Variants in KBTBD12 observed in about 807,000 individuals in gnomAD.
KBTBD12 encodes the protein kelch repeat and BTB domain containing 12.
A neutral mutation model predicts 58.7 loss-of-function variants in KBTBD12; 53 were observed. That is an observed-to-expected ratio of 0.90 (90% CI 0.72 to 1.14). KBTBD12 has a LOEUF of 1.14. Ranked by LOEUF, KBTBD12 falls within the 50% of genes most tolerant of loss-of-function variation. KBTBD12 has a pLI of 0.00. For synonymous variants in KBTBD12, 236 were observed against 259.8 expected (o/e 0.91, Z 0.88); for missense variants, 704 against 751.3 (o/e 0.94, Z 0.74).
At chr3:127,944,735 G>A (rs2107600714) in intron 4 of KBTBD12, among the ~76,000 whole-genome samples, 1 of 152,172 alleles carries the variant, frequency 6.6e-6, no homozygotes, top group East Asian at 1.9e-4. Flanking sequence ...AGGCATCCTT[G>A]CATTGTAATA....
intron 2 of KBTBD12, among the ~76,000 whole-genome samples, chr3:127,927,502 G>A (rs1939601023): frequency 6.6e-6 from 1 of 151,758 alleles, no homozygotes; most frequent in African/African-American, 2.4e-5. Context: ...GGCTACTCCT[G>A]GAAAATCTAT....
Position 127,963,345 on chromosome 3 carries a change from T to C in KBTBD12, c.1649T>C (p.Val550Ala), listed in dbSNP as rs755910531. 1.2e-6 allele frequency: 2 copies of C among 1,612,270 alleles called. No individual in the cohort carries two copies. Among genetic ancestry groups the C allele is most frequent in the Admixed American group, 1.7e-5 (1 of 59,844 alleles). The change falls in exon 5 of 6, where the codon GTG (valine) becomes GCG (alanine). Residue 550 changes from valine (V) to alanine (A), a missense_variant. Transcript: ENST00000405109. The part of the protein sequence containing the change: ...LRTNSTNAGA[V>A]DGKLYVCGGF... ...ACCAATTCCACCAATGCAGGGGCAGTGGATGGGAAACTCTATGTCTGCGGG... is the reference window on the plus strand; with the variant it reads ...ACCAATTCCACCAATGCAGGGGCAGCGGATGGGAAACTCTATGTCTGCGGG...
intron 4 of KBTBD12, among the ~76,000 whole-genome samples, chr3:127,946,752 A>G (rs1940091729): frequency 6.6e-6 from 1 of 151,982 alleles, no homozygotes; most frequent in African/African-American, 2.4e-5. Flanking sequence ...TGAGATGCTC[A>G]TTTTCTGTAC....
intron 4 of KBTBD12, among the ~76,000 whole-genome samples, chr3:127,944,824 G>T (rs1404358950): frequency 6.6e-6 from 1 of 151,958 alleles, no homozygotes; most frequent in African/African-American, 2.4e-5. Context: ...GGCCTTTACT[G>T]TACTGGGGAA....
intron 4 of KBTBD12, among the ~76,000 whole-genome samples, chr3:127,933,141 T>C (rs1306102636): frequency 6.6e-6 from 1 of 152,190 alleles, no homozygotes; most frequent in Non-Finnish European, 1.5e-5. Context: ...ACTACCATTT[T>C]AGATCTCTAG....
intron 5 of KBTBD12, among the ~76,000 whole-genome samples, chr3:127,974,409 G>GT (rs1403587912): frequency 6.6e-6 from 1 of 152,144 alleles, no homozygotes; most frequent in Non-Finnish European, 1.5e-5. Flanking sequence ...GTTTCATCCT[G>GT]TACCGTCACT....
At chr3:127,957,791 T>TC (rs1940348954) in intron 4 of KBTBD12, among the ~76,000 whole-genome samples, 1 of 152,200 alleles carries the variant, frequency 6.6e-6, no homozygotes, top group South Asian at 2.1e-4. Context: ...TGATTAGACA[T>TC]CTGCCCTCAA....
intron 4 of KBTBD12, among the ~76,000 whole-genome samples, chr3:127,947,284 A>G (rs1181845609): frequency 6.6e-6 from 1 of 152,128 alleles, no homozygotes; most frequent in Non-Finnish European, 1.5e-5. Flanking sequence ...CCTCAGTCCA[A>G]TCAGGGCCTG....
At chr3:127,945,278 A>G (rs1174075395) in intron 4 of KBTBD12, among the ~76,000 whole-genome samples, 2 of 131,840 alleles carry the variant, frequency 1.5e-5, no homozygotes, top group Admixed American at 9.3e-5. Context: ...TCCGCCTCCC[A>G]GGTTCACGCC....
rs373163160 is a variant in KBTBD12 at position 127,927,834 on chromosome 3, G to T, written c.1141G>T (p.Gly381Cys). ...TGAATTTCGAGAACTCTATGCTCTG[G>T]GCAGTATTCATAATGACCTTTATGT... ...TAEFRELYALGSIHNDLYVIG... is the reference protein window; with the variant it reads ...TAEFRELYALCSIHNDLYVIG... Residue 381 changes from glycine (G) to cysteine (C), a missense_variant, in exon 3 of 6, where the codon GGC (glycine) becomes TGC (cysteine). Gly to Cys is a radical substitution (Grantham distance 159, BLOSUM62 -3). Transcript: ENST00000405109. The T allele has an allele frequency of 6.2e-7, 1 of 1,611,030 alleles. No individual in the cohort carries two copies. Among genetic ancestry groups the T allele is most frequent in the East Asian group, 2.2e-5 (1 of 44,846 alleles).
intron 4 of KBTBD12, among the ~76,000 whole-genome samples, chr3:127,951,080 A>G (rs1470666771): frequency 6.6e-6 from 1 of 152,216 alleles, no homozygotes; most frequent in Non-Finnish European, 1.5e-5. Context: ...GGAACAACAT[A>G]TATCAAAGCA....
intron 2 of KBTBD12, 65 bp from the exon 3 acceptor site, chr3:127,927,699 G>A (rs1037914780): frequency 4.3e-6 from 5 of 1,174,374 alleles, no homozygotes; most frequent in Non-Finnish European, 5.8e-6. Context: ...ATAAATAAGT[G>A]TATTTCTTGG....
At chr3:127,972,241 A>T (rs1246715931) in intron 5 of KBTBD12, among the ~76,000 whole-genome samples, 1 of 152,234 alleles carries the variant, frequency 6.6e-6, no homozygotes, top group Non-Finnish European at 1.5e-5. Flanking sequence ...AACAGAGGGT[A>T]AATGTTGAAT....
intron 4 of KBTBD12, among the ~76,000 whole-genome samples, chr3:127,951,009 C>T (rs1940193263): frequency 6.6e-6 from 1 of 152,042 alleles, no homozygotes; most frequent in African/African-American, 2.4e-5. Context: ...ACCTGGGCAA[C>T]GAGCAAAACT....
At chr3:127,915,976 G>C (rs746606637) in intron 1 of KBTBD12, among the ~76,000 whole-genome samples, 1 of 152,208 alleles carries the variant, frequency 6.6e-6, no homozygotes, top group South Asian at 2.1e-4. Flanking sequence ...CACTTAGAAG[G>C]GTTCGTTTAA....
chr3:127,948,484 G>C lies in KBTBD12; in HGVS notation c.1493-14705G>C, dbSNP rs979513195. The stretch of plus-strand genomic sequence containing the variant: ...ATCATAAACTAGACCCTCCCCCATG[G>C]GGTGGCTTAGGGAAACTGGTTCACA... On this transcript the variant is annotated intron_variant, in intron 4 of 5. Coordinates refer to ENST00000405109, the MANE Select transcript of KBTBD12 (RefSeq NM_207335.4). 2.2e-4 allele frequency among the ~76,000 whole-genome samples: 34 copies of C among 152,218 alleles called. 1 individual carries two copies. Among genetic ancestry groups the C allele is most frequent in the South Asian group, 2.1e-4 (1 of 4,832 alleles).
At chr3:127,952,443 T>G (rs1243064610) in intron 4 of KBTBD12, among the ~76,000 whole-genome samples, 2 of 152,228 alleles carry the variant, frequency 1.3e-5, no homozygotes, top group African/African-American at 4.8e-5. Context: ...TTCCCACTGC[T>G]GTTGGTTACC....
chr3:127,984,342 A>G lies in KBTBD12; in HGVS notation c.*64A>G. On this transcript the variant is annotated 3_prime_UTR_variant, in exon 6 of 6. Coordinates refer to ENST00000405109, the MANE Select transcript of KBTBD12 (RefSeq NM_207335.4). ...AAGGCCTTCAGAACGGAGAGGGCCC[A>G]CAGCATCTCTGTCATGCCAGTCATG... The G allele has an allele frequency of 1.4e-6, 2 of 1,431,708 alleles. No homozygotes were observed. Among genetic ancestry groups the G allele is most frequent in the Non-Finnish European group, 1.9e-6 (2 of 1,033,258 alleles). The allele number at this position is 1,431,708 out of a possible 1,614,324, so 88.7% of individuals were successfully genotyped here. A position where few individuals can be genotyped will look rare whatever the true frequency, so the allele number is the denominator to read the frequency against.
At chr3:127,970,462 T>C (rs1487066080) in intron 5 of KBTBD12, among the ~76,000 whole-genome samples, 29 of 152,194 alleles carry the variant, frequency 1.9e-4, no homozygotes, top group Admixed American at 1.4e-3. Context: ...CCCACCCTTG[T>C]ACCTGAATGT....
Sources: allele counts gnomAD v4.1 joint callset (sites outside exome capture counted in the v4.1 genomes callset), GRCh38; gene constraint gnomAD v4.1.1; transcripts MANE v1.5; gene names NCBI Gene and HGNC (gene_info 2026-07-23, HGNC 2026-07-21).